The following PLEC variants were observed in gnomAD, a reference collection of about 807,000 sequenced individuals.
The protein encoded by PLEC is hemidesmosomal protein 1.
A neutral mutation model predicts 392.8 loss-of-function variants in PLEC; 216 were observed. That is an observed-to-expected ratio of 0.55 (90% CI 0.49 to 0.62). The LOEUF is 0.62. Among genes scored for constraint, PLEC ranks in the 20% least tolerant of loss-of-function variants. The pLI, the probability that PLEC is intolerant of heterozygous loss-of-function variation, is 0.00. For synonymous variants in PLEC, 3,621 were observed against 2,980.6 expected (o/e 1.21, Z -7.00); for missense variants, 6,863 against 6,563.4 (o/e 1.05, Z -1.58).
intron 1 of PLEC, among the ~76,000 whole-genome samples, chr8:143,960,898 T>A (rs1370599348): frequency 6.6e-6 from 1 of 152,204 alleles, no homozygotes; most frequent in Non-Finnish European, 1.5e-5. Context: ...AACGGTGAAA[T>A]CTTCCGGGCA....
Position 143,929,167 on chromosome 8 carries a change from C to G in PLEC, c.3196G>C (p.Glu1066Gln). 1 of 1,594,780 alleles carries G rather than the reference C, an allele frequency of 6.3e-7. No homozygotes were observed. The highest frequency in any genetic ancestry group is 1.1e-5 in the South Asian group (1 of 88,532). ...PSPAAPTLRS[E>Q]LELTLGKLEQ... ...AGCTTGCCCAGCGTCAGCTCCAGCT[C>G]CGAGCGCAGCGTGGGGGCCGCAGGC... Residue 1066 changes from glutamate to glutamine, a missense_variant, in exon 25 of 32, where the codon GAG becomes CAG. Transcript: ENST00000345136.
At chr8:143,963,994 G>A (rs141417642) in intron 1 of PLEC, among the ~76,000 whole-genome samples, 5 of 152,084 alleles carry the variant, frequency 3.3e-5, no homozygotes, top group African/African-American at 9.6e-5. Flanking sequence ...TGTATTTTTA[G>A]TAGAGACAAG....
At chr8:143,971,149 G>A (rs1027007160) in intron 1 of PLEC, among the ~76,000 whole-genome samples, 10 of 152,204 alleles carry the variant, frequency 6.6e-5, no homozygotes, top group African/African-American at 2.4e-4. Flanking sequence ...GAGACGTTGT[G>A]GGGTGGGGGG....
chr8:143,968,119 C>T (rs1398457997), intron 1 of PLEC, among the ~76,000 whole-genome samples: 3 of 147,724 alleles, frequency 2.0e-5, no homozygotes, highest in African/African-American at 5.1e-5. Flanking sequence ...CAGAGCGAGA[C>T]AGAGCGAGAC....
intron 25 of PLEC, 46 bp downstream of exon 25, chr8:143,929,057 C>T (rs372230345): frequency 1.3e-6 from 2 of 1,512,704 alleles, no homozygotes; most frequent in Non-Finnish European, 1.8e-6. Flanking sequence ...CACCCCAGCA[C>T]CCCCCAGCCG....
rs960723686 is a variant in PLEC, at chr8:143,925,791, C to T, written c.4138G>A (p.Ala1380Thr). The T allele has an allele frequency of 4.4e-6, 7 of 1,577,602 alleles. No individual in the cohort carries two copies. Among genetic ancestry groups the T allele is most frequent in the East Asian group, 4.6e-5 (2 of 43,814 alleles). ...CGCTCCGCCTGTGCCTTTGCCTGGG[C>T]GTGCGCCTCGGCCAGCTGCCGCTGC... Reference protein sequence around the residue: ...EKQRQLAEAHAQAKAQAEREA... With the variant: ...EKQRQLAEAHTQAKAQAEREA... Residue 1380 changes from alanine to threonine, a missense_variant, in exon 31 of 32, where the codon GCC becomes ACC. Transcript: ENST00000345136.
intron 12 of PLEC, among the ~76,000 whole-genome samples, chr8:143,933,764 C>T (rs976109591): frequency 2.0e-5 from 3 of 152,184 alleles, no homozygotes; most frequent in African/African-American, 7.2e-5. Flanking sequence ...GGCAGCCCAG[C>T]GTGGGTTCTG....
chr8:143,931,878 C>T (rs537716320), intron 18 of PLEC, 59 bp downstream of exon 18: 1 of 1,496,256 alleles, frequency 6.7e-7, no homozygotes, highest in Admixed American at 1.9e-5. Context: ...CCGAGGGGGT[C>T]CAGGGGCTCC....
chr8:143,932,071 CCGCCT>C (rs781949284), intron 17 of PLEC, 39 bp from the exon 18 acceptor site: 7 of 1,561,136 alleles, frequency 4.5e-6, no homozygotes, highest in South Asian at 2.3e-5. Context: ...CCGCCCCGCC[CCGCCT>C]GGGGACCCGG....
intron 1 of PLEC, among the ~76,000 whole-genome samples, chr8:143,972,313 G>A (rs962553911): frequency 8.5e-5 from 13 of 152,218 alleles, no homozygotes; most frequent in Admixed American, 2.6e-4. Context: ...AAGGGTGCAG[G>A]AGTGTCTCCC....
intron 1 of PLEC, among the ~76,000 whole-genome samples, chr8:143,963,826 T>TG (rs1294795827): frequency 5.3e-5 from 8 of 150,366 alleles, no homozygotes; most frequent in African/African-American, 2.0e-4. Flanking sequence ...TTTTTTTTTT[T>TG]TTTTGAGATG....
chr8:143,967,496 C>T (rs1322554401), intron 1 of PLEC, among the ~76,000 whole-genome samples: 1 of 152,050 alleles, frequency 6.6e-6, no homozygotes, highest in African/African-American at 2.4e-5. Flanking sequence ...AGTTCTGTTC[C>T]GTGAGCTGGT....
At position 143,923,866 on chromosome 8, in the gene PLEC, C is replaced by T. The variant is rs782046842; in HGVS notation, c.6063G>A (p.Ala2021=). 5.6e-5 allele frequency: 90 copies of T among 1,593,138 alleles called. No homozygotes were observed. In the Middle Eastern group the frequency reaches 1.2e-3, roughly 21 times the overall value. The change falls in exon 31 of 32, where the codon GCG becomes GCA. Residue 2021 remains alanine (A), a synonymous_variant. Transcript: ENST00000345136. The part of the protein sequence containing the change: ...VERLKAKVEE[A]RRLRERAEQE... Reference sequence around the variant, plus strand: ...GCTCCGCTCGCTCCCGCAGGCGCCGCGCCTCCTCCACCTTGGCTTTCAGCC... The same window carrying T: ...GCTCCGCTCGCTCCCGCAGGCGCCGTGCCTCCTCCACCTTGGCTTTCAGCC...
Position 143,969,225 on chromosome 8 carries a change from C to T in PLEC, c.70+4178G>A, listed in dbSNP as rs1014861215. On this transcript the variant is annotated intron_variant, in intron 1 of 31. Transcript: ENST00000356346. This position sits in a 1 kb window ranked among gnomAD's most constrained non-coding sequence, Gnocchi z 5.1. ...GCGGCGATGTGAGCAGCCCTGACAG[C>T]GTCCCGGCAAGTCGAAGAGGCCAGA... Among the ~76,000 whole-genome samples, 2 of 152,196 alleles carry T rather than the reference C, an allele frequency of 1.3e-5. No individual in the cohort carries two copies. Among genetic ancestry groups the T allele is most frequent in the African/African-American group, 4.8e-5 (2 of 41,442 alleles).
In PLEC at chr8:143,921,580, C is replaced by G; in HGVS notation, c.8241G>C (p.Arg2747=). Residue 2747 remains arginine, a synonymous_variant, in exon 32 of 32, where the codon CGG becomes CGC. Coordinates refer to ENST00000345136, the MANE Select transcript of PLEC (RefSeq NM_201384.3). ...CCTTCACAGCCTCGTTGACGGTCAG[C>G]CGCCGGTTCCGCACAGGGTCCAGCA... ...GFLLDPVRNR[R]LTVNEAVKEG... The G allele has an allele frequency of 6.2e-7, 1 of 1,612,216 alleles. No homozygotes were observed. The highest frequency in any genetic ancestry group is 8.5e-7 in the Non-Finnish European group (1 of 1,179,382).
At chr8:143,944,214 G>A (rs912284771), upstream of PLEC, among the ~76,000 whole-genome samples, 6 of 151,900 alleles carry the variant, frequency 3.9e-5, no homozygotes, top group East Asian at 1.9e-4. Context: ...CACACCCGCC[G>A]GGAGGAGGGG....
At chr8:143,944,432 T>G (rs1831125359), upstream of PLEC, among the ~76,000 whole-genome samples, 1 of 152,316 alleles carries the variant, frequency 6.6e-6, no homozygotes, top group South Asian at 2.1e-4. Flanking sequence ...CTGAACCCAC[T>G]GCACTCCTTC....
chr8:143,921,870 G>A lies in PLEC; in HGVS notation c.7951C>T (p.Arg2651Trp), dbSNP rs145977158. ...TGCAGCCTCTGAGCTGACACCTTCCGCCGCAGGCCATCGAAGCTGTGCTCC... is the reference window on the plus strand; with the variant it reads ...TGCAGCCTCTGAGCTGACACCTTCCACCGCAGGCCATCGAAGCTGTGCTCC... ...EPEHSFDGLR[R>W]KVSAQRLQEA... Residue 2651 changes from arginine to tryptophan, a missense_variant, in exon 32 of 32, where the codon CGG becomes TGG. Transcript: ENST00000345136. 7.2e-4 allele frequency: 1,153 copies of A among 1,602,260 alleles called. 16 individuals carry two copies. In the South Asian group the frequency reaches 7.6e-3, roughly 11 times the overall value.
intron 3 of PLEC, chr8:143,937,609 C>T (rs971428952): frequency 5.0e-5 from 25 of 500,660 alleles, no homozygotes; most frequent in Middle Eastern, 5.6e-4. Flanking sequence ...GCACGGTGGA[C>T]GGGCAGCTTG....
Sources: gnomAD v4.1 joint callset for allele counts (sites outside exome capture counted in the v4.1 genomes callset) on GRCh38, gnomAD v4.1.1 for gene constraint, Gnocchi (gnomAD v3.1) non-coding constraint, MANE v1.5 for transcripts, NCBI Gene and HGNC (gene_info 2026-07-23, HGNC 2026-07-21) for gene names.